Variants in FAT4 observed in about 807,000 individuals in gnomAD.
FAT4 encodes protocadherin Fat 4.
Under a neutral mutation model 303.9 loss-of-function variants are expected in FAT4, and 84 were observed. That is an observed-to-expected ratio of 0.28 (90% confidence interval 0.23 to 0.33). The LOEUF (loss-of-function observed/expected upper bound fraction) is 0.33, where lower values mean the gene tolerates loss of function less well. Among genes scored for constraint, FAT4 ranks in the 10% least tolerant of loss-of-function variants. The pLI is 1.00. For synonymous variants in FAT4, 2,307 were observed against 2,298.8 expected (o/e 1.00, Z -0.10); for missense variants, 6,005 against 6,146.8 (o/e 0.98, Z 0.77).
At chr4:125,332,418 T>C (rs1158203503) in intron 2 of FAT4, among the ~76,000 whole-genome samples, 1 of 152,170 alleles carries the variant, frequency 6.6e-6, no homozygotes, top group African/African-American at 2.4e-5. Context: ...TATAACCCCT[T>C]AAGTGAAGTT....
At chr4:125,411,498 A>T (rs549933276) in intron 5 of FAT4, among the ~76,000 whole-genome samples, 119 of 151,948 alleles carry the variant, frequency 7.8e-4, no homozygotes, top group Non-Finnish European at 1.4e-3. Flanking sequence ...ATTGGTGTAC[A>T]ATACAGACCA....
At chr4:125,447,256 A>G (rs1470380243) in intron 9 of FAT4, among the ~76,000 whole-genome samples, 1 of 152,146 alleles carries the variant, frequency 6.6e-6, no homozygotes, top group African/African-American at 2.4e-5. Flanking sequence ...AGGAAAATAT[A>G]GAAATATAGC....
chr4:125,327,191 C>T (rs1731191709), intron 2 of FAT4, among the ~76,000 whole-genome samples: 1 of 151,998 alleles, frequency 6.6e-6, no homozygotes, highest in South Asian at 2.1e-4. Flanking sequence ...GTTTCTAGAG[C>T]AGGGAAGAAG....
intron 2 of FAT4, among the ~76,000 whole-genome samples, chr4:125,369,460 A>G (rs1733019814): frequency 6.6e-6 from 1 of 152,102 alleles, no homozygotes; most frequent in Admixed American, 6.6e-5. Flanking sequence ...CAAATAAATA[A>G]AAAAACAAAA....
At chr4:125,355,339 T>C (rs1208422560) in intron 2 of FAT4, among the ~76,000 whole-genome samples, 1 of 152,022 alleles carries the variant, frequency 6.6e-6, no homozygotes, top group East Asian at 1.9e-4. Flanking sequence ...CCACATATTT[T>C]AATGTAACAA....
intron 10 of FAT4, among the ~76,000 whole-genome samples, chr4:125,462,321 A>G (rs1726511412): frequency 6.6e-6 from 1 of 151,986 alleles, no homozygotes; most frequent in African/African-American, 2.4e-5. Context: ...CGTTGTGCAT[A>G]TAGAATGCAT....
intron 17 of FAT4, 33 bp from the exon 18 acceptor site, chr4:125,489,868 T>TTTTTTTTTTTAAAAA: frequency 1.0e-6 from 1 of 1,004,880 alleles, no homozygotes; most frequent in Non-Finnish European, 1.3e-6. Context: ...TTTTTTTTTT[T>TTTTTTTTTTTAAAAA]GTAAAAAGCC....
At chr4:125,423,839 A>T (rs1177154588) in intron 7 of FAT4, among the ~76,000 whole-genome samples, 2 of 152,226 alleles carry the variant, frequency 1.3e-5, no homozygotes, top group African/African-American at 4.8e-5. Flanking sequence ...ATGGAGTCAA[A>T]GGAGATCAAT....
At chr4:125,380,320 G>A (rs1393884854) in intron 2 of FAT4, among the ~76,000 whole-genome samples, 1 of 152,174 alleles carries the variant, frequency 6.6e-6, no homozygotes, top group East Asian at 1.9e-4. Context: ...CCTGCGAAGG[G>A]TAAGTCACTT....
chr4:125,455,295 T>C (rs1560620151), intron 10 of FAT4, among the ~76,000 whole-genome samples: 1 of 152,204 alleles, frequency 6.6e-6, no homozygotes, highest in Non-Finnish European at 1.5e-5. Flanking sequence ...TTGCTGATTT[T>C]AGCATAAATG....
chr4:125,416,230 C>T (rs1021414106), intron 6 of FAT4, among the ~76,000 whole-genome samples: 1 of 152,062 alleles, frequency 6.6e-6, no homozygotes, highest in African/African-American at 2.4e-5. Flanking sequence ...TGAAGCCTTC[C>T]AAAAATGCTG....
intron 2 of FAT4, among the ~76,000 whole-genome samples, chr4:125,326,604 A>G (rs1464015187): frequency 6.6e-6 from 1 of 152,202 alleles, no homozygotes; most frequent in Non-Finnish European, 1.5e-5. Flanking sequence ...TAACTTCACA[A>G]TGCATCCTCA....
chr4:125,414,951 G>A lies in FAT4; in HGVS notation c.5988G>A (p.Lys1996=). The change falls in exon 6 of 18, where the codon AAG becomes AAA. Residue 1996 remains lysine, a synonymous_variant. Coordinates refer to ENST00000394329, the MANE Select transcript of FAT4 (RefSeq NM_001291303.3). The part of the protein sequence containing the change: ...GDSLGQFTVD[K]NGVLKVLKAL... ...GCCTTGGGCAGTTTACTGTTGACAA[G>A]AATGGTGTACTCAAAGTCCTAAAAG... 6.2e-7 allele frequency: 1 copy of A among 1,613,836 alleles called. No homozygotes were observed. The highest frequency in any genetic ancestry group is 8.5e-7 in the Non-Finnish European group (1 of 1,179,804).
Position 125,415,506 on chromosome 4 carries a change from A to T in FAT4, c.6543A>T (p.Gly2181=), listed in dbSNP as rs1003004027. 1 of 1,614,140 alleles carries T rather than the reference A, an allele frequency of 6.2e-7. No homozygotes were observed. The highest frequency in any genetic ancestry group is 8.5e-7 in the Non-Finnish European group (1 of 1,179,980). The part of the protein sequence containing the change: ...TDIIQVFAAD[G]DEGTNGQVRY... Reference sequence around the variant, plus strand: ...TAATACAAGTGTTCGCAGCAGATGGAGATGAAGGCACAAATGGACAGGTTC... The same window carrying T: ...TAATACAAGTGTTCGCAGCAGATGGTGATGAAGGCACAAATGGACAGGTTC... The change falls in exon 6 of 18, where the codon GGA becomes GGT. Residue 2181 remains glycine (G), a synonymous_variant. Transcript: ENST00000394329.
Position 125,452,411 on chromosome 4 carries a change from G to A in FAT4, c.11401G>A (p.Glu3801Lys). The A allele has an allele frequency of 1.2e-6, 2 of 1,614,098 alleles. No homozygotes were observed. Among genetic ancestry groups the A allele is most frequent in the Non-Finnish European group, 1.7e-6 (2 of 1,180,028 alleles). ...TCTCCGGCAGAGTGGAGTAAAGGTG[G>A]AATCTGTGGATCATGACTCCTGTGT... is the stretch of plus-strand genomic sequence containing the variant. ...ILLRQSGVKV[E>K]SVDHDSCVHG... Residue 3801 changes from glutamate to lysine, a missense_variant, in exon 10 of 18, where the codon GAA (glutamate) becomes AAA (lysine). Coordinates refer to ENST00000394329, the MANE Select transcript of FAT4 (RefSeq NM_001291303.3).
intron 2 of FAT4, among the ~76,000 whole-genome samples, chr4:125,326,130 G>A (rs1731149065): frequency 6.6e-6 from 1 of 151,852 alleles, no homozygotes; most frequent in Non-Finnish European, 1.5e-5. Flanking sequence ...TTAGGTAAAT[G>A]GACTATGATT....
chr4:125,481,414 C>G, intron 15 of FAT4, 107 bp from the exon 16 acceptor site: 1 of 929,304 alleles, frequency 1.1e-6, no homozygotes, highest in Non-Finnish European at 1.6e-6. Context: ...CATTAATTCC[C>G]AAAACGACAT....
At chr4:125,436,124 G>A (rs1725442691) in intron 8 of FAT4, among the ~76,000 whole-genome samples, 1 of 151,446 alleles carries the variant, frequency 6.6e-6, no homozygotes, top group Non-Finnish European at 1.5e-5. Context: ...ACACCAACAT[G>A]GCACATGTAT....
chr4:125,405,508 T>C (rs1460107382), intron 3 of FAT4, among the ~76,000 whole-genome samples: 1 of 151,910 alleles, frequency 6.6e-6, no homozygotes, highest in Non-Finnish European at 1.5e-5. Flanking sequence ...TTTTATATAC[T>C]TGTTGGCCTT....
Sources: allele counts gnomAD v4.1 joint callset (sites outside exome capture counted in the v4.1 genomes callset), GRCh38; gene constraint gnomAD v4.1.1; transcripts MANE v1.5; gene names NCBI Gene and HGNC (gene_info 2026-07-23, HGNC 2026-07-21).